Variants in PCDH9 observed in about 807,000 individuals in gnomAD.
PCDH9 encodes protocadherin-9.
A neutral mutation model predicts 70.6 loss-of-function variants in PCDH9; 24 were observed. The observed-to-expected ratio is 0.34, with a 90% CI of 0.25 to 0.48. The LOEUF is 0.48. Among genes scored for constraint, PCDH9 ranks in the 20% least tolerant of loss-of-function variants. The pLI is 0.99. For missense variants in PCDH9, 1,281 were observed against 1,503.6 expected (o/e 0.85, Z 2.45); for synonymous variants, 562 against 558.5 (o/e 1.01, Z -0.09).
At chr13:66,646,687 C>T (rs1171098865) in intron 3 of PCDH9, among the ~76,000 whole-genome samples, 1 of 152,150 alleles carries the variant, frequency 6.6e-6, no homozygotes, top group Non-Finnish European at 1.5e-5. Flanking sequence ...CTACACAGAA[C>T]ATCAAATTGA....
chr13:67,169,892 T>A (rs988284631), intron 2 of PCDH9, among the ~76,000 whole-genome samples: 1 of 152,232 alleles, frequency 6.6e-6, no homozygotes, highest in African/African-American at 2.4e-5. Context: ...AGTATCTCAC[T>A]GACTATTTCA....
intron 2 of PCDH9, among the ~76,000 whole-genome samples, chr13:67,094,307 T>A (rs986854514): frequency 5.9e-5 from 9 of 152,190 alleles, no homozygotes; most frequent in Non-Finnish European, 1.0e-4. Flanking sequence ...TTAAAAGAAT[T>A]TCCAGCAAAA....
intron 3 of PCDH9, among the ~76,000 whole-genome samples, chr13:66,653,985 A>AAAAAAAAAG: frequency 6.6e-6 from 1 of 150,404 alleles, no homozygotes; most frequent in African/African-American, 2.4e-5. Context: ...AAAAAAAAAA[A>AAAAAAAAAG]ATAGAAAGAA....
intron 3 of PCDH9, among the ~76,000 whole-genome samples, chr13:66,840,947 C>T (rs1224563327): frequency 1.3e-5 from 2 of 152,120 alleles, no homozygotes; most frequent in Non-Finnish European, 2.9e-5. Context: ...AAAATATACC[C>T]CTGGATGCTC....
At chr13:66,684,097 CA>C (rs1254683007) in intron 3 of PCDH9, among the ~76,000 whole-genome samples, 1 of 152,092 alleles carries the variant, frequency 6.6e-6, no homozygotes, top group African/African-American at 2.4e-5. Context: ...TGATATGATA[CA>C]TTTTTTAAAA....
chr13:66,425,930 A>C (rs1004140526), intron 4 of PCDH9, among the ~76,000 whole-genome samples: 3 of 151,618 alleles, frequency 2.0e-5, no homozygotes, highest in Non-Finnish European at 4.4e-5. Context: ...ATCTCCATCA[A>C]ATCTCATCAG....
At chr13:66,377,298 A>T (rs1047872528) in intron 4 of PCDH9, among the ~76,000 whole-genome samples, 1 of 152,062 alleles carries the variant, frequency 6.6e-6, no homozygotes, top group Non-Finnish European at 1.5e-5. Flanking sequence ...GCTTGTTAAA[A>T]CCCAGACTGC....
chr13:66,862,904 G>A (rs897354877), intron 3 of PCDH9, among the ~76,000 whole-genome samples: 6 of 151,918 alleles, frequency 3.9e-5, no homozygotes, highest in African/African-American at 1.5e-4. Context: ...ATTGAAAAAT[G>A]TATTATATAT....
chr13:67,021,356 C>A (rs1026917967), intron 2 of PCDH9, among the ~76,000 whole-genome samples: 1 of 152,020 alleles, frequency 6.6e-6, no homozygotes, highest in African/African-American at 2.4e-5. Context: ...AATAAATGAA[C>A]GTCACAGGGA....
intron 3 of PCDH9, among the ~76,000 whole-genome samples, chr13:66,795,845 A>G (rs1352944632): frequency 6.6e-6 from 1 of 152,128 alleles, no homozygotes; most frequent in Non-Finnish European, 1.5e-5. Context: ...TACTACAAAC[A>G]CTGAATTCTG....
intron 2 of PCDH9, among the ~76,000 whole-genome samples, chr13:67,081,504 G>A (rs1257121654): frequency 6.6e-6 from 1 of 152,116 alleles, no homozygotes; most frequent in African/African-American, 2.4e-5. Flanking sequence ...GGAGGCAGAG[G>A]TTGCAGTGAG....
chr13:66,720,326 GTTT>G (rs66600272), intron 3 of PCDH9, among the ~76,000 whole-genome samples: 66 of 132,032 alleles, frequency 5.0e-4, no homozygotes, highest in Non-Finnish European at 6.6e-4. Flanking sequence ...TTGCTTTTTT[GTTT>G]TTTTTTTTTT....
chr13:66,849,505 T>TAGAGAGAG (rs1394148629), intron 3 of PCDH9, among the ~76,000 whole-genome samples: 66 of 91,632 alleles, frequency 7.2e-4, no homozygotes, highest in African/African-American at 1.7e-3. Flanking sequence ...TATATATATA[T>TAGAGAGAG]ATATATATAT....
intron 3 of PCDH9, among the ~76,000 whole-genome samples, chr13:66,788,256 C>A (rs1182089780): frequency 6.6e-6 from 1 of 152,056 alleles, no homozygotes; most frequent in Admixed American, 6.6e-5. Flanking sequence ...TGGCATTAAC[C>A]CATTTATGGC....
intron 2 of PCDH9, among the ~76,000 whole-genome samples, chr13:67,039,304 C>A (rs538500546): frequency 2.0e-5 from 3 of 152,222 alleles, no homozygotes; most frequent in Admixed American, 1.3e-4. Context: ...ACCTAAGTAC[C>A]GGACCAAGGA....
chr13:66,834,951 T>C (rs1415096525), intron 3 of PCDH9, among the ~76,000 whole-genome samples: 2 of 152,206 alleles, frequency 1.3e-5, no homozygotes, highest in Non-Finnish European at 2.9e-5. Flanking sequence ...AAAATATCTA[T>C]CTAGTTAGCT....
chr13:66,758,474 G>A (rs190383940), intron 3 of PCDH9, among the ~76,000 whole-genome samples: 2 of 151,888 alleles, frequency 1.3e-5, no homozygotes, highest in African/African-American at 4.8e-5. Context: ...GAGGTACAAT[G>A]TGATGTTTTA....
chr13:66,892,782 T>C (rs960388238), intron 3 of PCDH9, among the ~76,000 whole-genome samples: 2 of 152,082 alleles, frequency 1.3e-5, no homozygotes, highest in Non-Finnish European at 1.5e-5. Flanking sequence ...GAAGATTATA[T>C]CTAAAATACA....
intron 2 of PCDH9, among the ~76,000 whole-genome samples, chr13:67,024,372 A>G (rs1244012761): frequency 6.6e-6 from 1 of 152,128 alleles, no homozygotes; most frequent in Non-Finnish European, 1.5e-5. Flanking sequence ...GGTGTGCAGT[A>G]CTCTATAGAC....
Sources: allele counts gnomAD v4.1 joint callset (sites outside exome capture counted in the v4.1 genomes callset), GRCh38; gene constraint gnomAD v4.1.1; transcripts MANE v1.5; gene names NCBI Gene and HGNC (gene_info 2026-07-23, HGNC 2026-07-21).